The following SEMA3E variants were observed in gnomAD, a reference collection of about 807,000 sequenced individuals.
The protein encoded by SEMA3E is semaphorin-3E.
SEMA3E carries 49 observed loss-of-function variants against 93.6 expected under a neutral mutation model. The ratio of observed to expected loss-of-function variants is 0.52; its 90% CI spans 0.42 to 0.66. The LOEUF (loss-of-function observed/expected upper bound fraction) is 0.66, where lower values mean the gene tolerates loss of function less well. SEMA3E is among the 30% of genes least tolerant of loss of function. SEMA3E has a pLI of 0.00. For missense variants in SEMA3E, 906 were observed against 964.8 expected (o/e 0.94, Z 0.81); for synonymous variants, 363 against 330.7 (o/e 1.10, Z -1.06).
intron 1 of SEMA3E, among the ~76,000 whole-genome samples, chr7:83,526,416 G>A (rs954404747): frequency 6.6e-6 from 1 of 152,112 alleles, no homozygotes; most frequent in Non-Finnish European, 1.5e-5. Flanking sequence ...CAGGGATATT[G>A]GAGAGGAAGT....
intron 4 of SEMA3E, among the ~76,000 whole-genome samples, chr7:83,437,891 T>G (rs1278784979): frequency 6.6e-6 from 1 of 152,108 alleles, no homozygotes; most frequent in Non-Finnish European, 1.5e-5. Flanking sequence ...AGATACCTAC[T>G]GGGAAAAGAC....
chr7:83,380,008 A>C (rs1787746125), intron 16 of SEMA3E, among the ~76,000 whole-genome samples: 1 of 151,814 alleles, frequency 6.6e-6, no homozygotes, highest in African/African-American at 2.4e-5. Flanking sequence ...CTGAACACTG[A>C]TACACAGCAG....
In SEMA3E at chr7:83,619,602, G is replaced by T. The variant is rs777048719; in HGVS notation, c.115+28826C>A. ...ACTGAAGCCCTGTACTAAGAATCTT[G>T]ATGCTATCTCTGGTCTTAAAAGGAA... On this transcript the variant is annotated intron_variant, in intron 1 of 16. Coordinates refer to ENST00000643230, the MANE Select transcript of SEMA3E (RefSeq NM_012431.3). 5.3e-5 allele frequency among the ~76,000 whole-genome samples: 8 copies of T among 151,730 alleles called. No homozygotes were observed. The East Asian group carries it at 1.5e-3, about 29-fold the overall frequency.
At chr7:83,623,568 G>C (rs912628639) in intron 1 of SEMA3E, among the ~76,000 whole-genome samples, 1 of 150,632 alleles carries the variant, frequency 6.6e-6, no homozygotes, top group Non-Finnish European at 1.5e-5. Flanking sequence ...TTTCTTAACT[G>C]TCAATAAAAG....
chr7:83,396,676 T>C lies in SEMA3E; in HGVS notation c.1420A>G (p.Met474Val), dbSNP rs779305112. 2 of 1,609,364 alleles carry C rather than the reference T, an allele frequency of 1.2e-6. No homozygotes were observed. Among genetic ancestry groups the C allele is most frequent in the Admixed American group, 3.3e-5 (2 of 59,870 alleles). ...AGTTCTTCTAGAATTACTTCTTCCA[T>C]TGATTCCATTTCTTGGTTGTAAATT... ...ITIYNQEMES[M>V]EEVILEELQI... The change falls in exon 12 of 17, where the codon ATG becomes GTG. Residue 474 changes from methionine (M) to valine (V), a missense_variant. Coordinates refer to ENST00000643230, the MANE Select transcript of SEMA3E (RefSeq NM_012431.3).
At chr7:83,544,258 C>T (rs1791599007) in intron 1 of SEMA3E, among the ~76,000 whole-genome samples, 1 of 151,968 alleles carries the variant, frequency 6.6e-6, no homozygotes, top group East Asian at 1.9e-4. Context: ...TTATTTAAAA[C>T]CTTAATTACA....
intron 14 of SEMA3E, among the ~76,000 whole-genome samples, chr7:83,389,744 T>C (rs374291506): frequency 1.9e-4 from 28 of 143,876 alleles, no homozygotes; most frequent in South Asian, 1.1e-3. Flanking sequence ...TATATACACG[T>C]ATATATTACA....
chr7:83,454,272 A>AAAAAAAAAAAAAAAT (rs1257792756), intron 4 of SEMA3E, among the ~76,000 whole-genome samples: 1 of 110,136 alleles, frequency 9.1e-6, no homozygotes, highest in African/African-American at 4.3e-5. Context: ...AAAAAAAAAA[A>AAAAAAAAAAAAAAAT]ATATATATAT....
chr7:83,545,046 A>G (rs746819968), intron 1 of SEMA3E, among the ~76,000 whole-genome samples: 7 of 152,134 alleles, frequency 4.6e-5, no homozygotes, highest in Non-Finnish European at 8.8e-5. Context: ...ATGAACCAGC[A>G]ACAGAAATAC....
At chr7:83,612,140 T>G (rs994246698) in intron 1 of SEMA3E, among the ~76,000 whole-genome samples, 1 of 152,128 alleles carries the variant, frequency 6.6e-6, no homozygotes, top group African/African-American at 2.4e-5. Flanking sequence ...GATCATCCTA[T>G]GTAAAAAAGA....
At chr7:83,641,406 G>A in intron 1 of SEMA3E, 1 of 985,238 alleles carries the variant, frequency 1.0e-6, no homozygotes, top group Non-Finnish European at 1.2e-6. Flanking sequence ...TGAGCTGATA[G>A]CTGCCTATAG....
At chr7:83,447,906 C>T (rs1374730300) in intron 4 of SEMA3E, among the ~76,000 whole-genome samples, 1 of 152,050 alleles carries the variant, frequency 6.6e-6, no homozygotes, top group African/African-American at 2.4e-5. Flanking sequence ...CACAGTGAGT[C>T]CTCTTTTTCT....
intron 16 of SEMA3E, among the ~76,000 whole-genome samples, chr7:83,370,235 G>A (rs1416570685): frequency 1.3e-5 from 2 of 151,978 alleles, no homozygotes; most frequent in Non-Finnish European, 2.9e-5. Flanking sequence ...CAATGGATTT[G>A]GTGTTTTTAA....
At chr7:83,437,782 A>G (rs980096878) in intron 4 of SEMA3E, among the ~76,000 whole-genome samples, 3 of 152,178 alleles carry the variant, frequency 2.0e-5, no homozygotes, top group African/African-American at 7.2e-5. Flanking sequence ...ACCTTGGTCC[A>G]TAATGTAAGA....
intron 2 of SEMA3E, among the ~76,000 whole-genome samples, chr7:83,486,235 G>T (rs1790251886): frequency 6.6e-6 from 1 of 152,208 alleles, no homozygotes; most frequent in Admixed American, 6.5e-5. Flanking sequence ...ATTAAGTGTG[G>T]AGACTTTTCC....
At chr7:83,466,442 A>G in intron 4 of SEMA3E, 40 bp downstream of exon 4, 1 of 1,610,200 alleles carries the variant, frequency 6.2e-7, no homozygotes, top group South Asian at 1.1e-5. Flanking sequence ...GGTTGTTTTA[A>G]GCATTGTTTT....
intron 1 of SEMA3E, among the ~76,000 whole-genome samples, chr7:83,573,189 A>T (rs1486096491): frequency 6.6e-6 from 1 of 152,184 alleles, no homozygotes; most frequent in Non-Finnish European, 1.5e-5. Context: ...AAGGAACTTA[A>T]ATCAACAAGC....
At chr7:83,387,530 A>G (rs182251250) in intron 14 of SEMA3E, among the ~76,000 whole-genome samples, 7 of 152,198 alleles carry the variant, frequency 4.6e-5, no homozygotes, top group Admixed American at 2.6e-4. Flanking sequence ...ATTATAATCA[A>G]TTAGTACAAA....
intron 1 of SEMA3E, among the ~76,000 whole-genome samples, chr7:83,514,392 G>A (rs1162145986): frequency 6.6e-6 from 1 of 151,968 alleles, no homozygotes; most frequent in East Asian, 1.9e-4. Context: ...TCCCGATACA[G>A]TCCTCTCTTG....
Sources: allele counts gnomAD v4.1 joint callset (sites outside exome capture counted in the v4.1 genomes callset), GRCh38; gene constraint gnomAD v4.1.1; transcripts MANE v1.5; gene names NCBI Gene and HGNC (gene_info 2026-07-23, HGNC 2026-07-21).